HDAC5: variants seen among roughly 807,000 people sequenced by gnomAD.
HDAC5 encodes antigen NY-CO-9.
Under a neutral mutation model 133.3 loss-of-function variants are expected in HDAC5, and 25 were observed. That is an observed-to-expected ratio of 0.19 (90% confidence interval 0.14 to 0.26). HDAC5 has a LOEUF of 0.26. HDAC5 is among the 10% of genes least tolerant of loss of function. The pLI is 1.00. For missense variants in HDAC5, 1,041 were observed against 1,460.5 expected, an observed-to-expected ratio of 0.71 and a Z score of 4.68; for synonymous variants, 589 against 610.8, an observed-to-expected ratio of 0.96 and a Z score of 0.53.
chr17:44,087,848 C>T, intron 12 of HDAC5, 152 bp from the exon 13 acceptor site: 2 of 680,340 alleles, frequency 2.9e-6, no homozygotes, highest in Non-Finnish European at 4.2e-6. Flanking sequence ...TCTGAGAGGA[C>T]TTTTTTTTTT....
At chr17:44,089,747 CAAAAAAAAAA>C (rs869263828) in intron 11 of HDAC5, among the ~76,000 whole-genome samples, 13 of 34,056 alleles carry the variant, frequency 3.8e-4, no homozygotes, top group Admixed American at 9.4e-4. Context: ...AACTTCGTCT[CAAAAAAAAAA>C]AAAAAAAAAA....
At chr17:44,108,192 A>C (rs1488208035) in intron 3 of HDAC5, among the ~76,000 whole-genome samples, 1 of 152,146 alleles carries the variant, frequency 6.6e-6, no homozygotes, top group African/African-American at 2.4e-5. Context: ...CCACTCTTTA[A>C]GCAAGAACAG....
rs1444404500 is a variant in HDAC5 at position 44,078,126 on chromosome 17, G to A, written c.*250C>T. On this transcript the variant is annotated 3_prime_UTR_variant, in exon 27 of 27. Transcript: ENST00000682912. Reference sequence around the variant, plus strand: ...CAAGGAGGAAAAGGACAGACAGAATGCAGGAAAATGGGGGGAGGGACACAT... The same window carrying A: ...CAAGGAGGAAAAGGACAGACAGAATACAGGAAAATGGGGGGAGGGACACAT... 5.0e-6 allele frequency: 2 copies of A among 402,736 alleles called. No individual in the cohort carries two copies. The highest frequency in any genetic ancestry group is 8.8e-6 in the Non-Finnish European group (2 of 227,320). 24.9% of individuals were successfully genotyped at this position (402,736 alleles called of 1,614,324 possible).
intron 11 of HDAC5, among the ~76,000 whole-genome samples, chr17:44,090,563 T>G (rs2050895300): frequency 6.8e-6 from 1 of 148,028 alleles, no homozygotes. Context: ...TTAGTAGAGA[T>G]GGGATTTCAC....
At chr17:44,079,116 C>T (rs769393015) in intron 24 of HDAC5, 28 bp downstream of exon 24, 2 of 1,600,434 alleles carry the variant, frequency 1.2e-6, no homozygotes, top group Non-Finnish European at 8.5e-7. Flanking sequence ...TCTGGCCTGC[C>T]ACCTCCCAGC....
Position 44,093,561 on chromosome 17 carries a change from C to T in HDAC5, c.354+14G>A, listed in dbSNP as rs544430302. On this transcript the variant is annotated intron_variant, in intron 4 of 26. Coordinates refer to ENST00000682912, the MANE Select transcript of HDAC5 (RefSeq NM_005474.5). The stretch of plus-strand genomic sequence containing the variant: ...TCGGAGGTCTGGGCGGCCCCCCGCA[C>T]CCCCCTCGCTCACCTTGAGGTGCTT... 5.0e-6 allele frequency: 8 copies of T among 1,598,190 alleles called. No individual in the cohort carries two copies. Among genetic ancestry groups the T allele is most frequent in the East Asian group, 2.2e-5 (1 of 44,644 alleles).
chr17:44,082,860 C>T, intron 18 of HDAC5, 40 bp from the exon 19 acceptor site: 2 of 1,542,052 alleles, frequency 1.3e-6, no homozygotes, highest in Non-Finnish European at 1.8e-6. Context: ...AAGATCCAGG[C>T]AGGAAGGCCG....
chr17:44,078,697 A>AG, intron 25 of HDAC5, 32 bp from the exon 26 acceptor site: 1 of 1,606,542 alleles, frequency 6.2e-7, no homozygotes, highest in Non-Finnish European at 8.5e-7. Context: ...GGGGTCAGGG[A>AG]GGGCAGAGGA....
In HDAC5 at chr17:44,082,629, G is replaced by A; in HGVS notation, c.2563C>T (p.Leu855=). ...FNSVAITAKL[L]QQKLNVGKVL... ...TTGCCCACGTTCAACTTCTGCTGTA[G>A]GAGTTTTGCGGTGATGGCTACAGAG... The change falls in exon 20 of 27, where the codon CTA becomes TTA. Residue 855 remains leucine (L), a synonymous_variant. Transcript: ENST00000682912. The A allele has an allele frequency of 2.5e-6, 4 of 1,614,198 alleles. No individual in the cohort carries two copies. Among genetic ancestry groups the A allele is most frequent in the Non-Finnish European group, 3.4e-6 (4 of 1,180,026 alleles).
At chr17:44,114,076 T>C (rs1397646218) in intron 2 of HDAC5, among the ~76,000 whole-genome samples, 1 of 152,126 alleles carries the variant, frequency 6.6e-6, no homozygotes, top group African/African-American at 2.4e-5. Flanking sequence ...CCAGGAAAAA[T>C]GTGAACACCT....
At position 44,079,312 on chromosome 17, in the gene HDAC5, G is replaced by A. The variant is rs1048490904; in HGVS notation, c.2945-35C>T. The A allele has an allele frequency of 1.9e-6, 3 of 1,603,530 alleles. No individual in the cohort carries two copies. In the African/African-American group the frequency reaches 4.0e-5, roughly 21 times the overall value. On this transcript the variant is annotated intron_variant, in intron 23 of 26. Coordinates refer to ENST00000682912, the MANE Select transcript of HDAC5 (RefSeq NM_005474.5). ...TGGGTGAAGGGAGGAAGAAGAAATG[G>A]CGAAAGGTAATCAATCAATTCAAGA...
chr17:44,100,074 G>T (rs544530628), intron 3 of HDAC5, among the ~76,000 whole-genome samples: 86 of 152,140 alleles, frequency 5.7e-4, no homozygotes, highest in Non-Finnish European at 6.6e-4. Context: ...CTAAAAAAAC[G>T]GTGTCCAGGC....
rs118048999 is a variant in HDAC5, at chr17:44,083,343, G to A, written c.2463+202C>T. 9.0e-3 allele frequency among the ~76,000 whole-genome samples: 1,369 copies of A among 152,314 alleles called. 10 individuals carry two copies. The highest frequency in any genetic ancestry group is 0.016 in the Non-Finnish European group (1,058 of 68,036). On this transcript the variant is annotated intron_variant, in intron 18 of 26. Transcript: ENST00000682912. ...ACTATTTCTGCCTCGAGACACCCAC[G>A]AGAGCACTGGGCATTAGTGTCTTTT...
chr17:44,118,797 C>A (rs2052807408), intron 1 of HDAC5, among the ~76,000 whole-genome samples: 1 of 152,140 alleles, frequency 6.6e-6, no homozygotes, highest in African/African-American at 2.4e-5. Flanking sequence ...GAGTTTAAGC[C>A]CTAACTCTGC....
intron 25 of HDAC5, 52 bp downstream of exon 25, chr17:44,078,743 C>G (rs2050236601): frequency 1.2e-6 from 2 of 1,611,254 alleles, no homozygotes. Flanking sequence ...GGTGCTCCCA[C>G]AAGCTCCGTG....
At chr17:44,097,596 A>G (rs1304138623) in intron 3 of HDAC5, among the ~76,000 whole-genome samples, 2 of 152,216 alleles carry the variant, frequency 1.3e-5, no homozygotes, top group Non-Finnish European at 2.9e-5. Flanking sequence ...CAAGGCCCTG[A>G]GCTGGCCGGA....
Position 44,086,655 on chromosome 17 carries a change from A to G in HDAC5, c.1967T>C (p.Leu656Pro). ...LSLATVPHQA[L>P]GRTQSSPAAP... ...AGCAGGGGAGGACTGGGTACGGCCC[A>G]GGGCCTGGTGGGGCACAGTGGCCAG... Residue 656 changes from leucine (L) to proline (P), a missense_variant, in exon 14 of 27, where the codon CTG becomes CCG. By Grantham distance (98) the Leu-to-Pro change is moderately conservative (BLOSUM62 -3). Around this residue, in one of 9 missense-constraint regions of HDAC5, gnomAD observed 433 missense variants for 531.6 expected, o/e 0.81. Transcript: ENST00000682912. 7.7e-7 allele frequency: 1 copy of G among 1,301,434 alleles called. No individual in the cohort carries two copies. Among genetic ancestry groups the G allele is most frequent in the East Asian group, 2.8e-5 (1 of 35,306 alleles). The allele number at this position is 1,301,434 out of a possible 1,614,324, so 80.6% of individuals were successfully genotyped here.
intron 11 of HDAC5, among the ~76,000 whole-genome samples, 191 bp from the exon 12 acceptor site, chr17:44,088,789 A>G (rs926642378): frequency 2.0e-5 from 3 of 152,072 alleles, no homozygotes; most frequent in African/African-American, 7.2e-5. Context: ...ATGAATGAAG[A>G]GTTTCACAGC....
intron 12 of HDAC5, 120 bp from the exon 13 acceptor site, chr17:44,087,816 T>A: frequency 1.6e-6 from 2 of 1,261,236 alleles, no homozygotes; most frequent in Non-Finnish European, 2.1e-6. Flanking sequence ...CTATGTGAAT[T>A]AGAAAAAGGT....
Sources: gnomAD v4.1 joint callset for allele counts (sites outside exome capture counted in the v4.1 genomes callset) on GRCh38, gnomAD v4.1.1 for gene constraint, gnomAD v4.1.1 regional missense constraint, MANE v1.5 for transcripts, NCBI Gene and HGNC (gene_info 2026-07-23, HGNC 2026-07-21) for gene names.